Variants in PPM1L observed in about 807,000 individuals in gnomAD.
PPM1L encodes protein phosphatase, Mg2+/Mn2+ dependent 1L.
A neutral mutation model predicts 31.4 loss-of-function variants in PPM1L; 13 were observed. The observed-to-expected ratio is 0.41, with a 90% CI of 0.27 to 0.66. The LOEUF is 0.66. Ranked by LOEUF, PPM1L falls within the 30% of genes least tolerant of loss-of-function variation. The probability of loss-of-function intolerance (pLI) is 0.29; values close to 1 mark genes in which losing one functional copy is unlikely to be tolerated. For synonymous variants in PPM1L, 184 were observed against 175.4 expected, an observed-to-expected ratio of 1.05 and a Z score of -0.39; for missense variants, 326 against 453.7, an observed-to-expected ratio of 0.72 and a Z score of 2.56.
intron 1 of PPM1L, among the ~76,000 whole-genome samples, chr3:160,767,462 T>A (rs922507012): frequency 1.3e-5 from 2 of 152,120 alleles, no homozygotes; most frequent in Non-Finnish European, 2.9e-5. Context: ...CTTGAACTCC[T>A]GAGCTCAGAT....
At chr3:160,973,429 T>C (rs1165876248) in intron 2 of PPM1L, among the ~76,000 whole-genome samples, 1 of 152,266 alleles carries the variant, frequency 6.6e-6, no homozygotes, top group Non-Finnish European at 1.5e-5. Context: ...TTCCTTTCTG[T>C]ACTATCGGGA....
chr3:161,001,547 A>G (rs2108052091), intron 2 of PPM1L, among the ~76,000 whole-genome samples: 1 of 152,322 alleles, frequency 6.6e-6, no homozygotes, highest in African/African-American at 2.4e-5. Context: ...CTGGAATTAC[A>G]CAGTTTTAAA....
intron 1 of PPM1L, among the ~76,000 whole-genome samples, chr3:160,812,399 G>A (rs1488158243): frequency 2.0e-5 from 3 of 152,024 alleles, no homozygotes; most frequent in African/African-American, 7.3e-5. Context: ...AATGAAATTG[G>A]CAGTATTGCT....
intron 1 of PPM1L, among the ~76,000 whole-genome samples, chr3:160,811,854 A>G (rs1195462609): frequency 6.6e-6 from 1 of 152,220 alleles, no homozygotes; most frequent in Non-Finnish European, 1.5e-5. Flanking sequence ...TAGACCACCT[A>G]TAAAGCCTGT....
At chr3:161,054,694 T>C (rs1186682448) in intron 2 of PPM1L, among the ~76,000 whole-genome samples, 1 of 152,156 alleles carries the variant, frequency 6.6e-6, no homozygotes, top group South Asian at 2.1e-4. Flanking sequence ...GCTAGTCACA[T>C]AATCTCAGTT....
chr3:160,854,426 A>G (rs927437258), intron 1 of PPM1L, among the ~76,000 whole-genome samples: 5 of 152,178 alleles, frequency 3.3e-5, no homozygotes, highest in Non-Finnish European at 7.3e-5. Context: ...ATGAGTAGGG[A>G]ACAGTGAAGG....
chr3:160,994,912 G>C (rs1717257924), intron 2 of PPM1L, among the ~76,000 whole-genome samples: 1 of 152,156 alleles, frequency 6.6e-6, no homozygotes, highest in South Asian at 2.1e-4. Context: ...CCCTTTCCAA[G>C]ATCTGCAAGA....
chr3:161,019,704 C>A (rs1001531181), intron 2 of PPM1L, among the ~76,000 whole-genome samples: 1 of 150,992 alleles, frequency 6.6e-6, no homozygotes, highest in Non-Finnish European at 1.5e-5. Flanking sequence ...GCTGCATCAT[C>A]AGTCAGTTAG....
chr3:160,783,012 A>G lies in PPM1L; in HGVS notation c.399+26305A>G, dbSNP rs534495086. 3.3e-5 allele frequency among the ~76,000 whole-genome samples: 5 copies of G among 152,316 alleles called. No individual in the cohort carries two copies. The East Asian group carries it at 9.6e-4, about 29-fold the overall frequency. ...CTCCCAGTGATTTTTCTTAAAAATT[A>G]CTTTGCCCTCTTCATGGGCCAGTGG... On this transcript the variant is annotated intron_variant, in intron 1 of 3. Transcript: ENST00000498165.
At chr3:160,843,091 T>A (rs193216742) in intron 1 of PPM1L, among the ~76,000 whole-genome samples, 3,666 of 151,594 alleles carry the variant, frequency 0.024, 128 homozygotes, top group African/African-American at 0.081. Context: ...TTCTTTTTTT[T>A]AAAAAAAATT....
chr3:161,029,272 C>T (rs184110029), intron 2 of PPM1L, among the ~76,000 whole-genome samples: 413 of 152,332 alleles, frequency 2.7e-3, no homozygotes, highest in Non-Finnish European at 4.3e-3. Context: ...AAGAGCCAGA[C>T]TTAGTGAACA....
chr3:160,828,064 T>G (rs1713409560), intron 1 of PPM1L, among the ~76,000 whole-genome samples: 1 of 151,864 alleles, frequency 6.6e-6, no homozygotes, highest in Non-Finnish European at 1.5e-5. Flanking sequence ...GGATCCACCC[T>G]CATGACGCAA....
In PPM1L at chr3:160,974,085, T is replaced by C. The variant is rs868768391; in HGVS notation, c.574+12175T>C. ...CCCTTCCTGTGTCCATGTGATCTCA[T>C]TGTTCAATTCCCACCTATGAGTGAG... is the stretch of plus-strand genomic sequence containing the variant. On this transcript the variant is annotated intron_variant, in intron 2 of 3. Coordinates refer to ENST00000498165, the MANE Select transcript of PPM1L (RefSeq NM_139245.4). Among the ~76,000 whole-genome samples, 492 of 130,040 alleles carry C rather than the reference T, an allele frequency of 3.8e-3. 3 individuals are homozygous for C. Among genetic ancestry groups the C allele is most frequent in the African/African-American group, 0.013 (446 of 34,816 alleles). The allele number at this position is 130,040 out of a possible 152,430, so 85.3% of individuals were successfully genotyped here.
intron 1 of PPM1L, among the ~76,000 whole-genome samples, chr3:160,944,920 AGTGGAG>A (rs1715325296): frequency 2.8e-5 from 2 of 72,290 alleles, no homozygotes; most frequent in African/African-American, 1.0e-4. Flanking sequence ...TATAATATAT[AGTGGAG>A]ATATATATAT....
Position 160,787,227 on chromosome 3 carries a change from T to A in PPM1L, c.399+30520T>A, listed in dbSNP as rs112977675. Among the ~76,000 whole-genome samples the A allele has an allele frequency of 9.5e-3, 1,452 of 152,344 alleles. 23 individuals are homozygous for A. The highest frequency in any genetic ancestry group is 0.032 in the African/African-American group (1,338 of 41,576). ...CTAATTTACATTTCCACCAGCAGTA[T>A]ATAAGAGTTCTCTTTTCTTCACAAC... is the stretch of plus-strand genomic sequence containing the variant. On this transcript the variant is annotated intron_variant, in intron 1 of 3. Coordinates refer to ENST00000498165, the MANE Select transcript of PPM1L (RefSeq NM_139245.4).
intron 1 of PPM1L, among the ~76,000 whole-genome samples, chr3:160,877,027 A>T (rs1049875151): frequency 7.2e-5 from 11 of 152,158 alleles, no homozygotes; most frequent in Non-Finnish European, 2.9e-5. Context: ...CGTTCTGGAG[A>T]GTCTAGGTTT....
chr3:161,067,593 C>T (rs111494781), intron 3 of PPM1L, among the ~76,000 whole-genome samples: 222 of 152,362 alleles, frequency 1.5e-3, no homozygotes, highest in African/African-American at 4.9e-3. Context: ...TACACATACA[C>T]TTTCTCTTTG....
chr3:160,978,749 G>T (rs1465982685), intron 2 of PPM1L, among the ~76,000 whole-genome samples: 1 of 152,136 alleles, frequency 6.6e-6, no homozygotes, highest in Admixed American at 6.6e-5. Context: ...AAGATTGCTT[G>T]AGCCCAGGAA....
chr3:161,065,393 T>A lies in PPM1L; in HGVS notation c.575-10T>A. ...GACCTCCCGCGTTCTCTCTCTCTTC[T>A]ATTTTTCAGGCACAACGTGTTTGAT... On this transcript the variant is annotated splice_polypyrimidine_tract_variant and intron_variant, in intron 2 of 3. Coordinates refer to ENST00000498165, the MANE Select transcript of PPM1L (RefSeq NM_139245.4). 6.2e-7 allele frequency: 1 copy of A among 1,613,348 alleles called. No homozygotes were observed. The highest frequency in any genetic ancestry group is 8.5e-7 in the Non-Finnish European group (1 of 1,179,394).
Sources: gnomAD v4.1 joint callset for allele counts (sites outside exome capture counted in the v4.1 genomes callset) on GRCh38, gnomAD v4.1.1 for gene constraint, MANE v1.5 for transcripts, NCBI Gene and HGNC (gene_info 2026-07-23, HGNC 2026-07-21) for gene names.